The following NSRP1 variants were observed in gnomAD, a reference collection of about 807,000 sequenced individuals.
NSRP1 encodes the protein nuclear speckle splicing regulatory protein 1.
NSRP1 carries 24 observed loss-of-function variants against 54.7 expected under a neutral mutation model. The observed-to-expected ratio is 0.44, with a 90% CI of 0.32 to 0.62. The LOEUF (loss-of-function observed/expected upper bound fraction) is 0.62, where lower values mean the gene tolerates loss of function less well. Among genes scored for constraint, NSRP1 ranks in the 20% least tolerant of loss-of-function variants. The probability of loss-of-function intolerance (pLI) is 0.06; values close to 1 mark genes in which losing one functional copy is unlikely to be tolerated. For missense variants in NSRP1, 596 were observed against 651.2 expected, an observed-to-expected ratio of 0.92 and a Z score of 0.92; for synonymous variants, 210 against 213.8, an observed-to-expected ratio of 0.98 and a Z score of 0.15.
At chr17:30,165,476 A>C (rs1904697090) in intron 2 of NSRP1, among the ~76,000 whole-genome samples, 1 of 152,190 alleles carries the variant, frequency 6.6e-6, no homozygotes. Flanking sequence ...GAAGTTTAAA[A>C]ATACGCTTTT....
At chr17:30,145,340 T>C (rs112595277) in intron 2 of NSRP1, among the ~76,000 whole-genome samples, 34 of 152,304 alleles carry the variant, frequency 2.2e-4, no homozygotes, top group Non-Finnish European at 4.1e-4. Context: ...ATCCCAGCAC[T>C]TTGGGAGGCC....
At chr17:30,141,720 C>T (rs756899187) in intron 2 of NSRP1, among the ~76,000 whole-genome samples, 3 of 152,062 alleles carry the variant, frequency 2.0e-5, no homozygotes, top group South Asian at 2.1e-4. Flanking sequence ...ATGTGAATAT[C>T]GGCTGGGCGC....
intron 2 of NSRP1, among the ~76,000 whole-genome samples, chr17:30,121,026 C>G (rs951120193): frequency 6.6e-6 from 1 of 151,940 alleles, no homozygotes; most frequent in African/African-American, 2.4e-5. Context: ...GAGAGAACAG[C>G]AAGAAATACA....
At position 30,184,767 on chromosome 17, in the gene NSRP1, A is replaced by T; in HGVS notation, c.770A>T (p.Asp257Val). Reference sequence around the variant, plus strand: ...GACTTCGATGCTAAGAGCAGTGCGGATGATGAAATAGAAGAAACTAGAGTG... The same window carrying T: ...GACTTCGATGCTAAGAGCAGTGCGGTTGATGAAATAGAAGAAACTAGAGTG... ...DSDFDAKSSA[D>V]DEIEETRVNC... The change falls in exon 7 of 7, where the codon GAT becomes GTT. Residue 257 changes from aspartate to valine, a missense_variant. By Grantham distance (152) the Asp-to-Val change is radical (BLOSUM62 -3). Transcript: ENST00000247026. The T allele has an allele frequency of 1.2e-6, 2 of 1,614,128 alleles. No individual in the cohort carries two copies. The highest frequency in any genetic ancestry group is 1.3e-5 in the African/African-American group (1 of 75,058).
chr17:30,185,446 AAG>A lies in NSRP1; in HGVS notation c.1451_1452del (p.Arg484LysfsTer7), dbSNP rs941473683. The A allele has an allele frequency of 1.2e-6, 2 of 1,608,928 alleles. No individual in the cohort carries two copies. The highest frequency in any genetic ancestry group is 1.7e-6 in the Non-Finnish European group (2 of 1,178,822). ...TGAGAAACATGGCAAAGGACAAAGA[AAG>A]AAACCAAGAGAAACCCTCTAATTCT... is the stretch of plus-strand genomic sequence containing the variant. ...KMRNMAKDKE[R>X]NQEKPSNSES... is the part of the protein sequence containing the mutation. On this transcript the variant is annotated frameshift_variant, in exon 7 of 7. Coordinates refer to ENST00000247026, the MANE Select transcript of NSRP1 (RefSeq NM_032141.4). LOFTEE classifies it high-confidence loss of function.
In NSRP1 at chr17:30,116,831, A is replaced by T. The variant is rs1367051598; in HGVS notation, c.-13A>T. On this transcript the variant is annotated 5_prime_UTR_variant, in exon 1 of 7. Coordinates refer to ENST00000247026, the MANE Select transcript of NSRP1 (RefSeq NM_032141.4). The stretch of plus-strand genomic sequence containing the variant: ...CGGAGGCGTCGGCCACGTTCAGCGG[A>T]CACGGGAGCAAGATGGCGATTCCGG... 6.4e-7 allele frequency: 1 copy of T among 1,572,900 alleles called. No individual in the cohort carries two copies. Among genetic ancestry groups the T allele is most frequent in the Non-Finnish European group, 8.6e-7 (1 of 1,158,650 alleles).
chr17:30,132,109 A>G (rs928569844), intron 2 of NSRP1, among the ~76,000 whole-genome samples: 3 of 149,834 alleles, frequency 2.0e-5, no homozygotes, highest in East Asian at 3.9e-4. Context: ...TTAGCCGGGC[A>G]TGGTGGCGGG....
chr17:30,131,667 G>C (rs1428441228), intron 2 of NSRP1, among the ~76,000 whole-genome samples: 1 of 152,156 alleles, frequency 6.6e-6, no homozygotes, highest in Non-Finnish European at 1.5e-5. Context: ...CAATGTTAAT[G>C]GCTGCTGACT....
chr17:30,179,151 G>A lies in NSRP1; in HGVS notation c.362G>A (p.Arg121Lys). ...ATCAGAAAAAAGGAACAGGAAAAAA[G>A]AATGGAAAAGAAAATACAGAGAGAA... The part of the protein sequence containing the change: ...VEIRKKEQEK[R>K]MEKKIQRERE... The change falls in exon 5 of 7, where the codon AGA becomes AAA. Residue 121 changes from arginine to lysine, a missense_variant. Physicochemically the swap from Arg to Lys is conservative, Grantham distance 26. Coordinates refer to ENST00000247026, the MANE Select transcript of NSRP1 (RefSeq NM_032141.4). 2 of 1,604,946 alleles carry A rather than the reference G, an allele frequency of 1.2e-6. No homozygotes were observed. Among genetic ancestry groups the A allele is most frequent in the Non-Finnish European group, 1.7e-6 (2 of 1,174,722 alleles).
In NSRP1 at chr17:30,185,866, T is replaced by C. The variant is rs1567810049; in HGVS notation, c.*192T>C. 2 of 492,712 alleles carry C rather than the reference T, an allele frequency of 4.1e-6. No individual in the cohort carries two copies. Among genetic ancestry groups the C allele is most frequent in the Non-Finnish European group, 6.9e-6 (2 of 288,128 alleles). 30.5% of individuals were successfully genotyped at this position (492,712 alleles called of 1,614,324 possible). On this transcript the variant is annotated 3_prime_UTR_variant, in exon 7 of 7. Coordinates refer to ENST00000247026, the MANE Select transcript of NSRP1 (RefSeq NM_032141.4). ...GTGGATGTTTGGCTGAATTTATATA[T>C]AGTGTGTACTCATCAATACCACATT...
chr17:30,118,041 A>G (rs764264797), intron 1 of NSRP1, 39 bp from the exon 2 acceptor site: 6 of 1,482,800 alleles, frequency 4.0e-6, no homozygotes, highest in African/African-American at 2.8e-5. Context: ...ACATTTAAAC[A>G]TAAAGGTTTA....
Position 30,151,686 on chromosome 17 carries a change from A to G in NSRP1, c.115-20856A>G, listed in dbSNP as rs78348606. Among the ~76,000 whole-genome samples the G allele has an allele frequency of 1.9e-3, 294 of 151,892 alleles. 8 individuals are homozygous for G. The East Asian group carries it at 0.05, about 26-fold the overall frequency. ...ACATTGGGTGTAACTTTTACTTAAA[A>G]TCTACATATAGGTGTGCCCATGCAG... On this transcript the variant is annotated intron_variant, in intron 2 of 6. Transcript: ENST00000247026.
chr17:30,181,857 G>A (rs547506661), intron 6 of NSRP1, among the ~76,000 whole-genome samples: 45 of 151,872 alleles, frequency 3.0e-4, no homozygotes, highest in African/African-American at 9.9e-4. Flanking sequence ...TGATCCACCC[G>A]CCTCGGCCTC....
At chr17:30,135,498 G>C (rs2071742167) in intron 2 of NSRP1, among the ~76,000 whole-genome samples, 1 of 151,318 alleles carries the variant, frequency 6.6e-6, no homozygotes, top group African/African-American at 2.4e-5. Context: ...TTTTCAGACG[G>C]AGTCTTACTC....
At chr17:30,166,768 C>G (rs997161933) in intron 2 of NSRP1, among the ~76,000 whole-genome samples, 1 of 151,724 alleles carries the variant, frequency 6.6e-6, no homozygotes, top group Non-Finnish European at 1.5e-5. Flanking sequence ...ACTAAAAATA[C>G]AAAAAAAATT....
chr17:30,170,648 C>A (rs1904896285), intron 2 of NSRP1, among the ~76,000 whole-genome samples: 1 of 152,196 alleles, frequency 6.6e-6, no homozygotes, highest in South Asian at 2.1e-4. Context: ...CTCCATCATA[C>A]ATATTTACCA....
At chr17:30,174,435 T>C (rs1905059394) in intron 3 of NSRP1, among the ~76,000 whole-genome samples, 1 of 152,224 alleles carries the variant, frequency 6.6e-6, no homozygotes, top group Non-Finnish European at 1.5e-5. Flanking sequence ...TGAAGAATAC[T>C]AGCTTGATTG....
intron 2 of NSRP1, among the ~76,000 whole-genome samples, chr17:30,132,713 C>T (rs2071712659): frequency 6.6e-6 from 1 of 152,182 alleles, no homozygotes; most frequent in Admixed American, 6.5e-5. Flanking sequence ...ATTTCTACCC[C>T]ATCTGTAGCC....
chr17:30,179,653 T>C lies in NSRP1; in HGVS notation c.508+356T>C, dbSNP rs1905236756. Among the ~76,000 whole-genome samples, 3 of 152,110 alleles carry C rather than the reference T, an allele frequency of 2.0e-5. No homozygotes were observed. In the East Asian group the frequency reaches 5.8e-4, roughly 29 times the overall value. ...TATAAATATAATTTTAAACCCTAGT[T>C]ACATTTTTTTGGGATGAGAAAATAA... On this transcript the variant is annotated intron_variant, in intron 5 of 6. Coordinates refer to ENST00000247026, the MANE Select transcript of NSRP1 (RefSeq NM_032141.4).
Sources: allele counts gnomAD v4.1 joint callset (sites outside exome capture counted in the v4.1 genomes callset), GRCh38; gene constraint gnomAD v4.1.1; transcripts MANE v1.5; gene names NCBI Gene and HGNC (gene_info 2026-07-23, HGNC 2026-07-21).